The following PDE1A variants were observed in gnomAD, a reference collection of about 807,000 sequenced individuals.
PDE1A encodes the protein dual specificity calcium/calmodulin-dependent 3',5'-cyclic nucleotide phosphodiesterase 1A.
Under a neutral mutation model 61.7 loss-of-function variants are expected in PDE1A, and 35 were observed. The observed-to-expected ratio is 0.57, with a 90% CI of 0.43 to 0.75. The LOEUF is 0.75. Among genes scored for constraint, PDE1A ranks in the 30% least tolerant of loss-of-function variants. The pLI, the probability that PDE1A is intolerant of heterozygous loss-of-function variation, is 0.00. For missense variants in PDE1A, 597 were observed against 630.6 expected, an observed-to-expected ratio of 0.95 and a Z score of 0.57; for synonymous variants, 232 against 213.2, an observed-to-expected ratio of 1.09 and a Z score of -0.77.
chr2:182,247,042 A>T (rs1278637881), intron 2 of PDE1A, among the ~76,000 whole-genome samples: 1 of 152,218 alleles, frequency 6.6e-6, no homozygotes, highest in African/African-American at 2.4e-5. Context: ...AATTTGATTG[A>T]TATAATCAAA....
chr2:182,686,467 T>C, the PDE1A span, among the ~76,000 whole-genome samples: 7 of 152,308 alleles, frequency 4.6e-5, no homozygotes, highest in Admixed American at 3.3e-4. Context: ...AAAAAATTAA[T>C]TGTGGCCATT....
chr2:182,224,795 C>T (rs985881141), intron 6 of PDE1A, among the ~76,000 whole-genome samples: 5 of 151,856 alleles, frequency 3.3e-5, no homozygotes, highest in Admixed American at 6.6e-5. Context: ...ACACTAGCCA[C>T]ATTACATATG....
chr2:182,361,604 T>C (rs967324431), intron 1 of PDE1A, among the ~76,000 whole-genome samples: 1 of 152,018 alleles, frequency 6.6e-6, no homozygotes, highest in African/African-American at 2.4e-5. Context: ...TCTGTGTATA[T>C]TTTTTTAGTC....
chr2:182,475,306 G>A (rs1687284038), intron 2 of PDE1A, among the ~76,000 whole-genome samples: 1 of 151,884 alleles, frequency 6.6e-6, no homozygotes, highest in Non-Finnish European at 1.5e-5. Flanking sequence ...AGGCCATCAG[G>A]TGATACAGTG....
chr2:182,374,490 C>A (rs932875908), intron 1 of PDE1A, among the ~76,000 whole-genome samples: 7 of 152,112 alleles, frequency 4.6e-5, no homozygotes, highest in Admixed American at 2.6e-4. Flanking sequence ...CACAATTAAA[C>A]TTCTGCTATT....
chr2:182,630,526 G>T, the PDE1A span, among the ~76,000 whole-genome samples: 1 of 148,740 alleles, frequency 6.7e-6, no homozygotes, highest in African/African-American at 2.5e-5. Context: ...ACATGGTAAG[G>T]CAAGCTCCCT....
At chr2:182,351,297 G>T (rs1344639062) in intron 1 of PDE1A, among the ~76,000 whole-genome samples, 1 of 152,112 alleles carries the variant, frequency 6.6e-6, no homozygotes, top group Admixed American at 6.5e-5. Context: ...ATGTAAATGT[G>T]GATAAATGCT....
At chr2:182,256,677 C>A (rs1691843895) in intron 2 of PDE1A, among the ~76,000 whole-genome samples, 1 of 152,130 alleles carries the variant, frequency 6.6e-6, no homozygotes, top group Non-Finnish European at 1.5e-5. Flanking sequence ...GAATACTATG[C>A]AGCCATAAAA....
chr2:182,691,609 C>G, the PDE1A span, among the ~76,000 whole-genome samples: 1 of 152,166 alleles, frequency 6.6e-6, no homozygotes, highest in Non-Finnish European at 1.5e-5. Context: ...CCATTCAGGA[C>G]ATAGGCATGG....
intron 7 of PDE1A, among the ~76,000 whole-genome samples, chr2:182,214,599 G>C (rs2125556911): frequency 6.6e-6 from 1 of 150,942 alleles, no homozygotes; most frequent in South Asian, 2.1e-4. Context: ...AACAAAAAAA[G>C]GCAGGGGTTG....
chr2:182,380,774 G>A lies in PDE1A; in HGVS notation c.53+45804C>T, dbSNP rs576032747. ...TTATTTGAGGATAATTATTAGGCAT[G>A]GATAGTGCCTAGCAGAATCCAGTTC... is the stretch of plus-strand genomic sequence containing the variant. On this transcript the variant is annotated intron_variant, in intron 1 of 13. Transcript: ENST00000351439. Among the ~76,000 whole-genome samples, 237 of 152,236 alleles carry A rather than the reference G, an allele frequency of 1.6e-3. 1 individual carries two copies. The highest frequency in any genetic ancestry group is 3.4e-3 in the Middle Eastern group (1 of 294).
At chr2:182,359,214 C>T (rs1017211468) in intron 1 of PDE1A, among the ~76,000 whole-genome samples, 8 of 152,102 alleles carry the variant, frequency 5.3e-5, no homozygotes, top group African/African-American at 1.9e-4. Flanking sequence ...AGTTCTGCTT[C>T]CTTAGTTTGA....
At chr2:182,588,387 G>A in the PDE1A span, among the ~76,000 whole-genome samples, 1 of 152,146 alleles carries the variant, frequency 6.6e-6, no homozygotes, top group South Asian at 2.1e-4. Flanking sequence ...AAAAGTTCCT[G>A]TAGTTTTAAA....
chr2:182,713,139 GTTAAATTTCTTCCTTTTTATT>G, the PDE1A span, among the ~76,000 whole-genome samples: 1 of 152,120 alleles, frequency 6.6e-6, no homozygotes, highest in African/African-American at 2.4e-5. Flanking sequence ...GCCCATATAT[GTTAAATTTCTTCCTTTTTATT>G]TTTATTTTTG....
At chr2:182,373,364 G>C (rs958000432) in intron 1 of PDE1A, among the ~76,000 whole-genome samples, 8 of 152,196 alleles carry the variant, frequency 5.3e-5, no homozygotes, top group African/African-American at 1.9e-4. Context: ...GAGGAGGAGA[G>C]AGGGCAGAGA....
At chr2:182,602,026 C>A in the PDE1A span, among the ~76,000 whole-genome samples, 504 of 152,346 alleles carry the variant, frequency 3.3e-3, 4 homozygotes, top group African/African-American at 0.012. Flanking sequence ...TGGGGACCTT[C>A]CCCCTTCCAC....
At chr2:182,388,036 C>T (rs1304207979) in intron 1 of PDE1A, among the ~76,000 whole-genome samples, 1 of 151,842 alleles carries the variant, frequency 6.6e-6, no homozygotes, top group Non-Finnish European at 1.5e-5. Context: ...AGTAACTATA[C>T]CTATACAGAC....
intron 7 of PDE1A, among the ~76,000 whole-genome samples, chr2:182,223,463 T>C (rs1377434410): frequency 1.3e-5 from 2 of 152,024 alleles, no homozygotes; most frequent in African/African-American, 4.8e-5. Context: ...AAATGAGATT[T>C]AATTTTTGGA....
intron 1 of PDE1A, among the ~76,000 whole-genome samples, chr2:182,300,280 A>G (rs1199908745): frequency 2.0e-5 from 3 of 152,202 alleles, no homozygotes; most frequent in African/African-American, 7.2e-5. Flanking sequence ...GAATAGGTAG[A>G]CTAGCTTCCA....
Sources: gnomAD v4.1 joint callset for allele counts (sites outside exome capture counted in the v4.1 genomes callset) on GRCh38, gnomAD v4.1.1 for gene constraint, MANE v1.5 for transcripts, NCBI Gene and HGNC (gene_info 2026-07-23, HGNC 2026-07-21) for gene names.